HLTF: variants seen among roughly 807,000 people sequenced by gnomAD.
HLTF encodes the protein DNA-dependent ATPase/E3 ubiquitin-protein ligase HLTF.
In HLTF, 127 loss-of-function variants were observed where a neutral mutation model predicts 129.4. The ratio of observed to expected loss-of-function variants is 0.98; its 90% CI spans 0.85 to 1.14. The LOEUF (loss-of-function observed/expected upper bound fraction) is 1.14, where lower values mean the gene tolerates loss of function less well. HLTF is among the 50% of genes most tolerant of loss of function. HLTF has a pLI of 0.00. For missense variants in HLTF, 1,139 were observed against 1,187.1 expected, an observed-to-expected ratio of 0.96 and a Z score of 0.60; for synonymous variants, 332 against 388.8, an observed-to-expected ratio of 0.85 and a Z score of 1.72.
In HLTF at chr3:149,071,374, T is replaced by C; in HGVS notation, c.772A>G (p.Lys258Glu). ...LAWMVSRENS[K>E]ELPPFWEQRN... Reference sequence around the variant, plus strand: ...TGTTCCCAGAATGGTGGAAGTTCTTTGCTATTTTCCCGTGACACCATCCAA... The same window carrying C: ...TGTTCCCAGAATGGTGGAAGTTCTTCGCTATTTTCCCGTGACACCATCCAA... Residue 258 changes from lysine (K) to glutamate (E), a missense_variant, in exon 7 of 25, where the codon AAA becomes GAA. Transcript: ENST00000310053. 6.2e-7 allele frequency: 1 copy of C among 1,613,850 alleles called. No individual in the cohort carries two copies. Among genetic ancestry groups the C allele is most frequent in the East Asian group, 2.2e-5 (1 of 44,864 alleles).
At chr3:149,070,356 CAG>C (rs1359839213) in intron 7 of HLTF, among the ~76,000 whole-genome samples, 4 of 152,164 alleles carry the variant, frequency 2.6e-5, no homozygotes, top group Non-Finnish European at 5.9e-5. Flanking sequence ...CGGCCAAACA[CAG>C]AGATGTGCAA....
chr3:149,071,951 G>T (rs1168842089), intron 5 of HLTF, among the ~76,000 whole-genome samples: 1 of 152,128 alleles, frequency 6.6e-6, no homozygotes, highest in East Asian at 1.9e-4. Context: ...TCCTAGGGAT[G>T]CTGAGATGGG....
chr3:149,059,800 A>C lies in HLTF; in HGVS notation c.1293T>G (p.Ser431=), dbSNP rs535316277. ...ATGCCACATCTTCTATAACCTTAGA[A>C]GATCCTGCTGATAAAACAACAAAGA... The part of the protein sequence containing the change: ...SETKGRAKAG[S]SKVIEDVAFA... The change falls in exon 13 of 25, where the codon TCT becomes TCG. Residue 431 remains serine, a synonymous_variant. Transcript: ENST00000310053. 1 of 1,591,718 alleles carries C rather than the reference A, an allele frequency of 6.3e-7. No homozygotes were observed. The highest frequency in any genetic ancestry group is 1.4e-5 in the African/African-American group (1 of 73,970).
chr3:149,052,260 A>C (rs1717065312), intron 14 of HLTF: 2 of 152,240 alleles, frequency 1.3e-5, no homozygotes, highest in African/African-American at 2.4e-5. Flanking sequence ...TCTCATTAAA[A>C]TTTTTTAAAA....
chr3:149,083,177 G>A (rs946176186), intron 2 of HLTF, among the ~76,000 whole-genome samples: 3 of 152,076 alleles, frequency 2.0e-5, no homozygotes, highest in African/African-American at 7.2e-5. Flanking sequence ...CTTGAACCTG[G>A]GAGGCGGAGG....
At chr3:149,061,005 CA>C in intron 10 of HLTF, 147 bp from the exon 11 acceptor site, 1 of 619,434 alleles carries the variant, frequency 1.6e-6, no homozygotes, top group East Asian at 2.7e-5. Flanking sequence ...AAATGAAAGT[CA>C]GATCTGCTAA....
chr3:149,039,986 T>C (rs1444130667), intron 21 of HLTF, 45 bp downstream of exon 21: 2 of 1,536,874 alleles, frequency 1.3e-6, no homozygotes, highest in African/African-American at 2.8e-5. Context: ...TTTCCTTATA[T>C]AAAGGTAAAA....
At chr3:149,054,296 A>G (rs1467651500) in intron 14 of HLTF, among the ~76,000 whole-genome samples, 3 of 152,204 alleles carry the variant, frequency 2.0e-5, no homozygotes, top group Non-Finnish European at 2.9e-5. Context: ...TTAAAGATGC[A>G]TATCAAGAGA....
chr3:149,039,777 C>T, intron 21 of HLTF, 84 bp from the exon 22 acceptor site: 1 of 760,060 alleles, frequency 1.3e-6, no homozygotes, highest in Non-Finnish European at 2.0e-6. Flanking sequence ...AAGAAAAGGT[C>T]CTGAAATGTT....
At chr3:149,050,990 G>A (rs2107991716) in intron 14 of HLTF, among the ~76,000 whole-genome samples, 1 of 152,108 alleles carries the variant, frequency 6.6e-6, no homozygotes, top group African/African-American at 2.4e-5. Flanking sequence ...TGATTAAACT[G>A]AAAAGAGAAG....
intron 8 of HLTF, among the ~76,000 whole-genome samples, chr3:149,065,847 A>G (rs1263944348): frequency 1.3e-5 from 2 of 152,128 alleles, no homozygotes; most frequent in Non-Finnish European, 2.9e-5. Flanking sequence ...CCCAAATACA[A>G]TATTTTTAGA....
chr3:149,063,152 C>A (rs1382099507), intron 10 of HLTF: 1 of 464,322 alleles, frequency 2.2e-6, no homozygotes, highest in Non-Finnish European at 4.2e-6. Flanking sequence ...CTCTGCCTCC[C>A]GGGTTCACGC....
In HLTF at chr3:149,073,325, A is replaced by G. The variant is rs1719033845; in HGVS notation, c.530-3T>C. The G allele has an allele frequency of 1.3e-6, 2 of 1,586,320 alleles. No individual in the cohort carries two copies. Among genetic ancestry groups the G allele is most frequent in the Non-Finnish European group, 8.6e-7 (1 of 1,159,240 alleles). On this transcript the variant is annotated splice_polypyrimidine_tract_variant and splice_region_variant and intron_variant, in intron 4 of 24. Coordinates refer to ENST00000310053, the MANE Select transcript of HLTF (RefSeq NM_003071.4). ...ACTTTCCAAATTGAATCCTAAAGCT[A>G]TAATTTACAAAATAAAAAGAATAAA...
chr3:149,074,064 T>C, intron 4 of HLTF, 151 bp downstream of exon 4: 1 of 619,900 alleles, frequency 1.6e-6, no homozygotes, highest in South Asian at 3.0e-5. Context: ...AAAGGAAAAA[T>C]CAGAGATTTC....
intron 2 of HLTF, among the ~76,000 whole-genome samples, chr3:149,077,279 TA>T (rs1462397790): frequency 2.3e-4 from 35 of 150,350 alleles, no homozygotes; most frequent in African/African-American, 7.8e-4. Flanking sequence ...AATAAATAAA[TA>T]AATAAATAAA....
At chr3:149,051,280 A>G (rs566034209) in intron 14 of HLTF, among the ~76,000 whole-genome samples, 7 of 152,230 alleles carry the variant, frequency 4.6e-5, no homozygotes, top group South Asian at 4.1e-4. Context: ...CAAGTAAGAA[A>G]GAGATGAATA....
At position 149,076,014 on chromosome 3, in the gene HLTF, C is replaced by A; in HGVS notation, c.262G>T (p.Asp88Tyr). The A allele has an allele frequency of 1.3e-6, 2 of 1,492,256 alleles. No homozygotes were observed. Among genetic ancestry groups the A allele is most frequent in the Non-Finnish European group, 1.9e-6 (2 of 1,076,968 alleles). The allele number at this position is 1,492,256 out of a possible 1,614,324, so 92.4% of individuals were successfully genotyped here. ...NNNEMVALQR[D>Y]PNNPYDKNAI... ...TTCTTATCATAAGGGTTATTAGGAT[C>A]TCGTTGTAATGCAACCATTTCATTA... Residue 88 changes from aspartate to tyrosine, a missense_variant, in exon 3 of 25, where the codon GAT (aspartate) becomes TAT (tyrosine). Asp to Tyr is a radical substitution (Grantham distance 160). Coordinates refer to ENST00000310053, the MANE Select transcript of HLTF (RefSeq NM_003071.4).
rs1295665206 is a variant in HLTF at position 149,073,236 on chromosome 3, T to C, written c.616A>G (p.Thr206Ala). The change falls in exon 5 of 25, where the codon ACA becomes GCA. Residue 206 changes from threonine (T) to alanine (A), a missense_variant. Physicochemically the swap from Thr to Ala is moderately conservative, Grantham distance 58. Transcript: ENST00000310053. ...SMPVHAAVQMTTEQLKTEFDK... is the reference protein window; with the variant it reads ...SMPVHAAVQMATEQLKTEFDK... ...AAAGAGAAGCACACCTGTTCAGTTG[T>C]CATCTGTACTGCAGCATGCACTGGC... The C allele has an allele frequency of 6.3e-7, 1 of 1,599,300 alleles. No individual in the cohort carries two copies. Among genetic ancestry groups the C allele is most frequent in the Non-Finnish European group, 8.5e-7 (1 of 1,172,134 alleles).
In HLTF at chr3:149,046,274, AC is replaced by A; in HGVS notation, c.1893-16del. 1 of 1,323,966 alleles carries A rather than the reference AC, an allele frequency of 7.6e-7. No individual in the cohort carries two copies. The highest frequency in any genetic ancestry group is 2.4e-5 in the East Asian group (1 of 41,544). 82.0% of individuals were successfully genotyped at this position (1,323,966 alleles called of 1,614,324 possible). ...ACTGTAAACGCCTAATCAGAATAAA[AC>A]AAATAATTATGTAACTTTTAATTTC... is the stretch of plus-strand genomic sequence containing the variant. On this transcript the variant is annotated splice_polypyrimidine_tract_variant and intron_variant, in intron 17 of 24. Coordinates refer to ENST00000310053, the MANE Select transcript of HLTF (RefSeq NM_003071.4).
Sources: allele counts gnomAD v4.1 joint callset (sites outside exome capture counted in the v4.1 genomes callset), GRCh38; gene constraint gnomAD v4.1.1; transcripts MANE v1.5; gene names NCBI Gene and HGNC (gene_info 2026-07-23, HGNC 2026-07-21).